Variants in DIP2C observed in about 807,000 individuals in gnomAD.
DIP2C encodes disco-interacting protein 2 homolog C.
DIP2C carries 33 observed loss-of-function variants against 192.4 expected under a neutral mutation model. The ratio of observed to expected loss-of-function variants is 0.17; its 90% confidence interval spans 0.13 to 0.23. DIP2C has a LOEUF of 0.23. DIP2C is among the 10% of genes least tolerant of loss of function. DIP2C has a pLI of 1.00. For synonymous variants in DIP2C, 979 were observed against 864.1 expected (o/e 1.13, Z -2.33); for missense variants, 1,537 against 2,110.1 (o/e 0.73, Z 5.32).
intron 1 of DIP2C, among the ~76,000 whole-genome samples, chr10:533,979 G>C (rs1847557156): frequency 6.7e-6 from 1 of 148,378 alleles, no homozygotes. Context: ...AAAGGCTGAA[G>C]GAATTAGGGT....
chr10:586,030 C>T (rs976630959), intron 1 of DIP2C, among the ~76,000 whole-genome samples: 26 of 152,286 alleles, frequency 1.7e-4, no homozygotes, highest in African/African-American at 6.3e-4. Context: ...AAAGGCAGGA[C>T]TCCTGGGCAG....
At chr10:650,454 G>C in intron 1 of DIP2C, 1 of 708,004 alleles carries the variant, frequency 1.4e-6, no homozygotes, top group East Asian at 2.7e-5. Context: ...TAGGTGACCC[G>C]GTTATCGTTC....
At chr10:335,250 A>C (rs1181518291) in intron 29 of DIP2C, among the ~76,000 whole-genome samples, 1 of 152,214 alleles carries the variant, frequency 6.6e-6, no homozygotes, top group Non-Finnish European at 1.5e-5. Flanking sequence ...GTTATAGAAA[A>C]TGTACAAGTA....
chr10:658,166 T>C (rs1856515148), intron 1 of DIP2C, among the ~76,000 whole-genome samples: 1 of 151,422 alleles, frequency 6.6e-6, no homozygotes, highest in Non-Finnish European at 1.5e-5. Flanking sequence ...GACCTGCCGC[T>C]GGACCTGTCC....
chr10:551,533 G>A (rs1180635398), intron 1 of DIP2C, among the ~76,000 whole-genome samples: 2 of 152,104 alleles, frequency 1.3e-5, no homozygotes, highest in Non-Finnish European at 2.9e-5. Flanking sequence ...AGGAGGCCTC[G>A]GTGCACAAAC....
chr10:445,797 G>A (rs554849461), intron 3 of DIP2C, among the ~76,000 whole-genome samples: 5 of 151,844 alleles, frequency 3.3e-5, no homozygotes, highest in South Asian at 2.1e-4. Context: ...CTGTTGTGAA[G>A]AGTCTCACGG....
Position 357,928 on chromosome 10 carries a change from G to T in DIP2C, c.2804C>A (p.Pro935His). 1 of 1,612,218 alleles carries T rather than the reference G, an allele frequency of 6.2e-7. No homozygotes were observed. The highest frequency in any genetic ancestry group is 8.5e-7 in the Non-Finnish European group (1 of 1,179,554). ...KPRQKQPEIG[P>H]ASVMVGNLVS... ...CAGGTTCCCCACCATCACAGAGGCA[G>T]GGCCGATTTCTAGAAAGAAACAGAG... Residue 935 changes from proline to histidine, a missense_variant, in exon 23 of 37, where the codon CCT (proline) becomes CAT (histidine). This residue lies in a region of DIP2C where 677 missense variants were observed against 989.9 expected (regional missense o/e 0.68). Transcript: ENST00000280886.
intron 2 of DIP2C, among the ~76,000 whole-genome samples, chr10:477,934 AGAAG>A (rs1473464181): frequency 9.9e-5 from 11 of 110,960 alleles, no homozygotes; most frequent in African/African-American, 3.5e-4. Context: ...AGAGAGGGAA[AGAAG>A]GAAGGAAAAG....
intron 2 of DIP2C, among the ~76,000 whole-genome samples, chr10:474,301 C>G (rs1314185050): frequency 6.6e-6 from 1 of 152,166 alleles, no homozygotes; most frequent in Non-Finnish European, 1.5e-5. Flanking sequence ...CTACAAATAC[C>G]GTTCTATCTT....
intron 17 of DIP2C, among the ~76,000 whole-genome samples, chr10:381,694 C>T (rs1962389196): frequency 6.6e-6 from 1 of 152,230 alleles, no homozygotes; most frequent in Non-Finnish European, 1.5e-5. Context: ...TGCCCTTCCA[C>T]AGTTCTGCCT....
intron 14 of DIP2C, among the ~76,000 whole-genome samples, chr10:384,922 C>A (rs572239270): frequency 6.6e-6 from 1 of 151,876 alleles, no homozygotes; most frequent in Admixed American, 6.6e-5. Flanking sequence ...CAGGGAGCGC[C>A]GCGGACACCA....
intron 31 of DIP2C, among the ~76,000 whole-genome samples, chr10:316,806 C>T (rs1009550046): frequency 2.0e-5 from 3 of 152,168 alleles, no homozygotes; most frequent in Non-Finnish European, 4.4e-5. Flanking sequence ...TAACATACTG[C>T]CATTTATGTT....
chr10:683,822 A>G (rs1890677), intron 1 of DIP2C, among the ~76,000 whole-genome samples: 1 of 152,114 alleles, frequency 6.6e-6, no homozygotes, highest in Admixed American at 6.5e-5. Context: ...TAAATCACTG[A>G]TTAAAAAAAA....
intron 1 of DIP2C, among the ~76,000 whole-genome samples, chr10:599,933 A>AC (rs1417627910): frequency 6.6e-6 from 1 of 151,866 alleles, no homozygotes. Context: ...TCCTGTGTAC[A>AC]CCTCAAGAGG....
At position 378,620 on chromosome 10, in the gene DIP2C, G is replaced by GAC. The variant is rs766585483; in HGVS notation, c.1991+4025_1991+4026dup. On this transcript the variant is annotated intron_variant, in intron 17 of 36. Coordinates refer to ENST00000280886, the MANE Select transcript of DIP2C (RefSeq NM_014974.3). Reference sequence around the variant, plus strand: ...ACACACATGAACAGACATGCATAAAGACACACGAACACAGACATGCATAAA... The same window carrying GAC: ...ACACACATGAACAGACATGCATAAAGACACACACGAACACAGACATGCATAAA... 5.3e-3 allele frequency among the ~76,000 whole-genome samples: 784 copies of GAC among 149,114 alleles called. 2 individuals are homozygous for GAC. Among genetic ancestry groups the GAC allele is most frequent in the Middle Eastern group, 0.014 (4 of 282 alleles).
intron 7 of DIP2C, among the ~76,000 whole-genome samples, chr10:414,652 AGCTAGGACTACAGGCAT>A (rs946451647): frequency 6.7e-6 from 1 of 149,496 alleles, no homozygotes; most frequent in African/African-American, 2.5e-5. Context: ...CCTAGCCTGT[AGCTAGGACTACAGGCAT>A]GCACCACCAC....
chr10:612,438 T>C (rs2131784847), intron 1 of DIP2C, among the ~76,000 whole-genome samples: 1 of 152,342 alleles, frequency 6.6e-6, no homozygotes, highest in Middle Eastern at 3.4e-3. Flanking sequence ...TGGAAAGAAG[T>C]TCCCCAAGGA....
intron 19 of DIP2C, chr10:365,169 A>G (rs1035795529): frequency 2.6e-5 from 10 of 385,524 alleles, no homozygotes; most frequent in Admixed American, 3.7e-5. Context: ...ATATTTTAGA[A>G]AGTTGAATTC....
chr10:400,603 C>T (rs55972703), intron 9 of DIP2C, among the ~76,000 whole-genome samples: 50,282 of 137,658 alleles, frequency 0.37, 10,401 homozygotes, highest in Non-Finnish European at 0.47. Flanking sequence ...AAGTTTGGTA[C>T]GTGTTCATCA....
Sources: gnomAD v4.1 joint callset for allele counts (sites outside exome capture counted in the v4.1 genomes callset) on GRCh38, gnomAD v4.1.1 for gene constraint, gnomAD v4.1.1 regional missense constraint, MANE v1.5 for transcripts, NCBI Gene and HGNC (gene_info 2026-07-23, HGNC 2026-07-21) for gene names.